TRHDE: variants seen among roughly 807,000 people sequenced by gnomAD.
TRHDE encodes the protein thyrotropin releasing hormone degrading enzyme, also known as thyrotropin-releasing hormone-degrading ectoenzyme.
A neutral mutation model predicts 125.7 loss-of-function variants in TRHDE; 72 were observed. The observed-to-expected ratio is 0.57, with a 90% CI of 0.47 to 0.70. The LOEUF is 0.70. TRHDE is among the 30% of genes least tolerant of loss of function. The probability of loss-of-function intolerance (pLI) is 0.00; values close to 1 mark genes in which losing one functional copy is unlikely to be tolerated. For missense variants in TRHDE, 1,110 were observed against 1,327.1 expected, an observed-to-expected ratio of 0.84 and a Z score of 2.54; for synonymous variants, 509 against 509.1, an observed-to-expected ratio of 1.00 and a Z score of 0.00.
intron 6 of TRHDE, among the ~76,000 whole-genome samples, chr12:72,510,320 A>C (rs968614150): frequency 6.6e-6 from 1 of 152,234 alleles, no homozygotes; most frequent in Non-Finnish European, 1.5e-5. Flanking sequence ...TATTGATTAA[A>C]TATAACACCT....
chr12:72,492,770 A>G (rs1052697252), intron 5 of TRHDE, among the ~76,000 whole-genome samples: 1 of 151,922 alleles, frequency 6.6e-6, no homozygotes, highest in African/African-American at 2.4e-5. Flanking sequence ...AAAAGTCTTT[A>G]TCATGTTGTA....
intron 3 of TRHDE, among the ~76,000 whole-genome samples, chr12:72,451,051 T>C (rs1410320871): frequency 6.6e-6 from 1 of 152,180 alleles, no homozygotes; most frequent in African/African-American, 2.4e-5. Context: ...ATCAGGTATA[T>C]AGTTTGCAAA....
chr12:72,533,591 T>G (rs1868677283), intron 6 of TRHDE, among the ~76,000 whole-genome samples: 2 of 152,034 alleles, frequency 1.3e-5, no homozygotes, highest in Admixed American at 1.3e-4. Context: ...GTATTTGCAT[T>G]ATTTTATTCT....
intron 6 of TRHDE, among the ~76,000 whole-genome samples, chr12:72,510,769 A>G (rs947173984): frequency 2.6e-5 from 4 of 152,216 alleles, no homozygotes; most frequent in Non-Finnish European, 5.9e-5. Flanking sequence ...CATAAGGAAA[A>G]TGTGAACAAG....
intron 15 of TRHDE, among the ~76,000 whole-genome samples, chr12:72,631,853 A>G (rs1456466627): frequency 1.3e-5 from 2 of 151,992 alleles, no homozygotes; most frequent in African/African-American, 4.8e-5. Context: ...CAAAATGGCA[A>G]TAATCAATTC....
At chr12:72,147,350 T>C (rs1274819999) in intron 2 of TRHDE, among the ~76,000 whole-genome samples, 1 of 151,526 alleles carries the variant, frequency 6.6e-6, no homozygotes, top group Non-Finnish European at 1.5e-5. Context: ...TTCCTCTCAT[T>C]TGTGGACTGT....
At chr12:72,501,583 T>TGAATCCAACATTTAGCAAATGAA (rs1280023855) in intron 6 of TRHDE, among the ~76,000 whole-genome samples, 49 of 152,116 alleles carry the variant, frequency 3.2e-4, no homozygotes, top group Admixed American at 5.2e-4. Context: ...AATTGTTGGA[T>TGAATCCAACATTTAGCAAATGAA]TCAATTTGCT....
intron 2 of TRHDE, among the ~76,000 whole-genome samples, chr12:72,192,191 CTAT>C (rs1184428082): frequency 1.3e-5 from 2 of 151,404 alleles, no homozygotes; most frequent in East Asian, 3.9e-4. Flanking sequence ...CCTGGAGGAC[CTAT>C]TATTTATATT....
intron 2 of TRHDE, among the ~76,000 whole-genome samples, chr12:72,222,346 C>T (rs1878018288): frequency 6.6e-6 from 1 of 152,174 alleles, no homozygotes; most frequent in East Asian, 1.9e-4. Context: ...TAGCCTGCCA[C>T]ACTAAGTCAC....
At chr12:72,126,800 A>G (rs2139304982) in intron 2 of TRHDE, among the ~76,000 whole-genome samples, 1 of 152,324 alleles carries the variant, frequency 6.6e-6, no homozygotes, top group East Asian at 1.9e-4. Flanking sequence ...GAAAGAATTT[A>G]TGAGCAAGTC....
chr12:72,377,463 A>G (rs1367059869), intron 2 of TRHDE, among the ~76,000 whole-genome samples: 1 of 152,148 alleles, frequency 6.6e-6, no homozygotes, highest in Non-Finnish European at 1.5e-5. Flanking sequence ...GCTTGTGTAC[A>G]TGAAAAGTTT....
chr12:72,649,458 A>G (rs372211918), intron 15 of TRHDE, among the ~76,000 whole-genome samples: 13 of 152,094 alleles, frequency 8.5e-5, no homozygotes, highest in South Asian at 2.1e-4. Context: ...TAAAGAAATC[A>G]TAGGGGAAAA....
intron 10 of TRHDE, 82 bp downstream of exon 10, chr12:72,568,738 A>G: frequency 1.1e-6 from 1 of 897,120 alleles, no homozygotes; most frequent in Non-Finnish European, 1.7e-6. Context: ...CAGCTGTTAT[A>G]AAATGTGAAT....
At chr12:72,420,909 A>G (rs972484927) in intron 3 of TRHDE, among the ~76,000 whole-genome samples, 1 of 152,118 alleles carries the variant, frequency 6.6e-6, no homozygotes, top group African/African-American at 2.4e-5. Flanking sequence ...CATGATTCCT[A>G]AATGCTGAAT....
intron 3 of TRHDE, among the ~76,000 whole-genome samples, chr12:72,461,800 T>C (rs992976049): frequency 3.3e-5 from 5 of 152,170 alleles, no homozygotes; most frequent in Non-Finnish European, 5.9e-5. Flanking sequence ...ACTTCATCTT[T>C]GTTTGAAAAT....
At chr12:72,405,235 T>G (rs1487488227) in intron 3 of TRHDE, among the ~76,000 whole-genome samples, 1 of 152,154 alleles carries the variant, frequency 6.6e-6, no homozygotes, top group Non-Finnish European at 1.5e-5. Context: ...TGGCTGTGGG[T>G]GAGGGAACAG....
chr12:72,096,277 G>A (rs573004927), intron 1 of TRHDE, among the ~76,000 whole-genome samples: 11 of 151,950 alleles, frequency 7.2e-5, no homozygotes, highest in African/African-American at 2.7e-4. Context: ...AGAACATCTT[G>A]TCTGATATTT....
intron 2 of TRHDE, among the ~76,000 whole-genome samples, chr12:72,216,024 A>G: frequency 6.6e-6 from 1 of 152,208 alleles, no homozygotes; most frequent in Non-Finnish European, 1.5e-5. Context: ...AAATGACATT[A>G]GGCAAGTTAG....
chr12:72,283,797 A>G (rs1879780212), intron 1 of TRHDE, among the ~76,000 whole-genome samples: 1 of 152,070 alleles, frequency 6.6e-6, no homozygotes, highest in Non-Finnish European at 1.5e-5. Flanking sequence ...TTTTACTTAA[A>G]GGCTAATTCA....
Sources: allele counts gnomAD v4.1 joint callset (sites outside exome capture counted in the v4.1 genomes callset), GRCh38; gene constraint gnomAD v4.1.1; transcripts MANE v1.5; gene names NCBI Gene and HGNC (gene_info 2026-07-23, HGNC 2026-07-21).